Variants in SLC19A2 observed in about 807,000 individuals in gnomAD.
The protein encoded by SLC19A2 is solute carrier family 19 member 2, also known as thiamine transporter 1.
A neutral mutation model predicts 44.7 loss-of-function variants in SLC19A2; 27 were observed. That is an observed-to-expected ratio of 0.60 (90% CI 0.45 to 0.83). The LOEUF is 0.83. SLC19A2 is among the 40% of genes least tolerant of loss of function. The probability of loss-of-function intolerance (pLI) is 0.00; values close to 1 mark genes in which losing one functional copy is unlikely to be tolerated. For missense variants in SLC19A2, 566 were observed against 613.7 expected, an observed-to-expected ratio of 0.92 and a Z score of 0.82; for synonymous variants, 239 against 243.6, an observed-to-expected ratio of 0.98 and a Z score of 0.18.
rs990010418 is a variant in SLC19A2, at chr1:169,463,970, C to G, written c.*1879G>C. ...TATTTAATAAAAATAATTTTATAATCTATACAGAATTGAATAAAAAGTACA... is the reference window on the plus strand; with the variant it reads ...TATTTAATAAAAATAATTTTATAATGTATACAGAATTGAATAAAAAGTACA... On this transcript the variant is annotated 3_prime_UTR_variant, in exon 6 of 6. Transcript: ENST00000236137. The G allele has an allele frequency of 2.0e-5, 3 of 152,126 alleles. No homozygotes were observed. The highest frequency in any genetic ancestry group is 7.3e-5 in the African/African-American group (3 of 41,354). The allele number at this position is 152,126 out of a possible 1,614,324, so 9.4% of individuals were successfully genotyped here. A position where few individuals can be genotyped will look rare whatever the true frequency, so the allele number is the denominator to read the frequency against.
intron 1 of SLC19A2, among the ~76,000 whole-genome samples, chr1:169,482,663 A>AG (rs1202894117): frequency 6.6e-6 from 1 of 152,254 alleles, no homozygotes; most frequent in Non-Finnish European, 1.5e-5. Context: ...TGGACCTTGA[A>AG]GGATGAGAAA....
At position 169,463,925 on chromosome 1, in the gene SLC19A2, A is replaced by G. The variant is rs1394280995; in HGVS notation, c.*1924T>C. 6.6e-6 allele frequency: 1 copy of G among 151,826 alleles called. No individual in the cohort carries two copies. Among genetic ancestry groups the G allele is most frequent in the African/African-American group, 2.4e-5 (1 of 41,420 alleles). The allele number at this position is 151,826 out of a possible 1,614,324, so 9.4% of individuals were successfully genotyped here. On this transcript the variant is annotated 3_prime_UTR_variant, in exon 6 of 6. Coordinates refer to ENST00000236137, the MANE Select transcript of SLC19A2 (RefSeq NM_006996.3). ...TTAAAACAATTTTGATTAAAAAGAGAAAATATACTGTAAAATATTTATTTA... is the reference window on the plus strand; with the variant it reads ...TTAAAACAATTTTGATTAAAAAGAGGAAATATACTGTAAAATATTTATTTA...
At position 169,485,849 on chromosome 1, in the gene SLC19A2, C is replaced by G. The variant is rs890763806; in HGVS notation, c.-83G>C. On this transcript the variant is annotated 5_prime_UTR_variant, in exon 1 of 6. Coordinates refer to ENST00000236137, the MANE Select transcript of SLC19A2 (RefSeq NM_006996.3). Reference sequence around the variant, plus strand: ...TGGAGTGAGGGTCAGGCACTTGTAACCGCGAGTGACGCCTTCTCCCTGTAA... The same window carrying G: ...TGGAGTGAGGGTCAGGCACTTGTAAGCGCGAGTGACGCCTTCTCCCTGTAA... The G allele has an allele frequency of 4.3e-6, 6 of 1,399,218 alleles. No homozygotes were observed. The highest frequency in any genetic ancestry group is 5.7e-6 in the Non-Finnish European group (6 of 1,054,394). 86.7% of individuals were successfully genotyped at this position (1,399,218 alleles called of 1,614,324 possible).
intron 3 of SLC19A2, 193 bp from the exon 4 acceptor site, chr1:169,469,029 G>C (rs1557888728): frequency 1.7e-6 from 1 of 591,930 alleles, no homozygotes; most frequent in East Asian, 2.8e-5. Flanking sequence ...GAGCCACTGA[G>C]ATGACAGACT....
Position 169,485,574 on chromosome 1 carries a change from T to A in SLC19A2, c.193A>T (p.Thr65Ser), listed in dbSNP as rs868402857. 2.5e-6 allele frequency: 4 copies of A among 1,586,018 alleles called. No homozygotes were observed. Among genetic ancestry groups the A allele is most frequent in the Non-Finnish European group, 3.4e-6 (4 of 1,166,534 alleles). The change falls in exon 1 of 6, where the codon ACC (threonine) becomes TCC (serine). Residue 65 changes from threonine to serine, a missense_variant. Thr to Ser is a moderately conservative substitution (Grantham distance 58). Transcript: ENST00000236137. Reference sequence around the variant, plus strand: ...TCCGCCGCGCGTACCTCCCTCTCGGTCAGGTTCTTGTCCGGCCCCAGCAGG... The same window carrying A: ...TCCGCCGCGCGTACCTCCCTCTCGGACAGGTTCTTGTCCGGCCCCAGCAGG... The part of the protein sequence containing the change: ...PYLLGPDKNL[T>S]EREVFNEIYP...
chr1:169,466,080 A>G (rs1571529958), intron 5 of SLC19A2, 103 bp from the exon 6 acceptor site: 2 of 1,364,256 alleles, frequency 1.5e-6, no homozygotes, highest in Non-Finnish European at 2.0e-6. Context: ...AAAATATTGC[A>G]TACTTACACC....
chr1:169,468,325 A>G (rs1658084853), intron 4 of SLC19A2, 73 bp from the exon 5 acceptor site: 1 of 1,303,058 alleles, frequency 7.7e-7, no homozygotes, highest in African/African-American at 1.5e-5. Flanking sequence ...TCTAAATAAA[A>G]GTAAACATTT....
chr1:169,473,194 G>A (rs895338021), intron 2 of SLC19A2, among the ~76,000 whole-genome samples: 9 of 152,066 alleles, frequency 5.9e-5, no homozygotes, highest in African/African-American at 2.2e-4. Context: ...AGTTTCTACT[G>A]TAGTGGTGGT....
Position 169,468,670 on chromosome 1 carries a change from G to C in SLC19A2, c.1197C>G (p.Ile399Met). ...CYASYVVFRI[I>M]YMLLITIATF... ...TTGCTATCGTGATGAGTAACATGTA[G>C]ATGATTCTGAAGACAACATAGGATG... The change falls in exon 4 of 6, where the codon ATC becomes ATG. Residue 399 changes from isoleucine (I) to methionine (M), a missense_variant. Coordinates refer to ENST00000236137, the MANE Select transcript of SLC19A2 (RefSeq NM_006996.3). 6.2e-7 allele frequency: 1 copy of C among 1,613,788 alleles called. No homozygotes were observed. Among genetic ancestry groups the C allele is most frequent in the Non-Finnish European group, 8.5e-7 (1 of 1,179,796 alleles).
At chr1:169,469,937 G>T in intron 3 of SLC19A2, 27 bp downstream of exon 3, 2 of 1,595,810 alleles carry the variant, frequency 1.3e-6, no homozygotes, top group South Asian at 2.2e-5. Context: ...CCCCCACCAC[G>T]ACCCTCTATT....
At chr1:169,477,864 T>C (rs1280719201) in intron 1 of SLC19A2, 107 bp from the exon 2 acceptor site, 20 of 1,151,814 alleles carry the variant, frequency 1.7e-5, no homozygotes, top group Non-Finnish European at 2.5e-5. Context: ...ACCTCAAAGA[T>C]CTCAACCTTG....
At chr1:169,471,761 T>C (rs1557890027) in intron 2 of SLC19A2, among the ~76,000 whole-genome samples, 1 of 151,716 alleles carries the variant, frequency 6.6e-6, no homozygotes, top group Non-Finnish European at 1.5e-5. Flanking sequence ...TCTCCTCTTA[T>C]ATACAGTAAC....
At chr1:169,472,975 G>A (rs1041908452) in intron 2 of SLC19A2, among the ~76,000 whole-genome samples, 4 of 152,248 alleles carry the variant, frequency 2.6e-5, no homozygotes, top group South Asian at 2.1e-4. Flanking sequence ...GTGTTCCATG[G>A]AGCTTTAAGA....
rs907513945 is a variant in SLC19A2 at position 169,481,695 on chromosome 1, C to T, written c.204+3868G>A. 3.3e-5 allele frequency among the ~76,000 whole-genome samples: 5 copies of T among 152,288 alleles called. No individual in the cohort carries two copies. The Middle Eastern group carries it at 0.01, about 311-fold the overall frequency. ...CACGTAACATCTGCTATGTGAGCAA[C>T]GGGAATTGATTTTATTATGACCAAG... On this transcript the variant is annotated intron_variant, in intron 1 of 5. Coordinates refer to ENST00000236137, the MANE Select transcript of SLC19A2 (RefSeq NM_006996.3).
chr1:169,477,855 C>G, intron 1 of SLC19A2, 98 bp from the exon 2 acceptor site: 1 of 1,210,082 alleles, frequency 8.3e-7, no homozygotes. Flanking sequence ...CCTACAAATA[C>G]CTCAAAGATC....
Position 169,477,207 on chromosome 1 carries a change from T to C in SLC19A2, c.755A>G (p.Asp252Gly), listed in dbSNP as rs1349142746. The change falls in exon 2 of 6, where the codon GAC becomes GGC. Residue 252 changes from aspartate (D) to glycine (G), a missense_variant. Transcript: ENST00000236137. ...PASNHLPGWEDIESKIPLNME... is the reference protein window; with the variant it reads ...PASNHLPGWEGIESKIPLNME... Reference sequence around the variant, plus strand: ...ATTTAGAGGGATTTTTGACTCAATGTCCTCCCAGCCAGGAAGGTGGTTAGA... The same window carrying C: ...ATTTAGAGGGATTTTTGACTCAATGCCCTCCCAGCCAGGAAGGTGGTTAGA... 1 of 1,613,906 alleles carries C rather than the reference T, an allele frequency of 6.2e-7. No individual in the cohort carries two copies. Among genetic ancestry groups the C allele is most frequent in the Non-Finnish European group, 8.5e-7 (1 of 1,179,994 alleles).
At position 169,477,500 on chromosome 1, in the gene SLC19A2, G is replaced by A. The variant is rs1216587192; in HGVS notation, c.462C>T (p.Tyr154=). 2 of 1,614,130 alleles carry A rather than the reference G, an allele frequency of 1.2e-6. No individual in the cohort carries two copies. Among genetic ancestry groups the A allele is most frequent in the Non-Finnish European group, 1.7e-6 (2 of 1,180,026 alleles). Reference sequence around the variant, plus strand: ...TTCGACAGTAACTTGTGACTTTCTGGTACATGCCCAGGTCCACCACACTGT... The same window carrying A: ...TTCGACAGTAACTTGTGACTTTCTGATACATGCCCAGGTCCACCACACTGT... ...YIYSVVDLGM[Y]QKVTSYCRSA... The change falls in exon 2 of 6, where the codon TAC becomes TAT. Residue 154 remains tyrosine, a synonymous_variant. Coordinates refer to ENST00000236137, the MANE Select transcript of SLC19A2 (RefSeq NM_006996.3).
intron 1 of SLC19A2, among the ~76,000 whole-genome samples, chr1:169,479,706 CCTTTT>C (rs1416834166): frequency 6.6e-6 from 1 of 152,192 alleles, no homozygotes; most frequent in Non-Finnish European, 1.5e-5. Context: ...ATTTTTCCTT[CCTTTT>C]GTCAGTGGCC....
intron 1 of SLC19A2, among the ~76,000 whole-genome samples, chr1:169,480,169 G>A (rs1658411016): frequency 6.6e-6 from 1 of 152,170 alleles, no homozygotes. Context: ...TTTAGCAAAT[G>A]AGGAAAAAAG....
Sources: gnomAD v4.1 joint callset for allele counts (sites outside exome capture counted in the v4.1 genomes callset) on GRCh38, gnomAD v4.1.1 for gene constraint, MANE v1.5 for transcripts, NCBI Gene and HGNC (gene_info 2026-07-23, HGNC 2026-07-21) for gene names.